Variants in MAGI3 observed in about 807,000 individuals in gnomAD.
MAGI3 encodes membrane associated guanylate kinase, WW and PDZ domain containing 3.
MAGI3 carries 43 observed loss-of-function variants against 121.8 expected under a neutral mutation model. That is an observed-to-expected ratio of 0.35 (90% CI 0.28 to 0.46). The LOEUF (loss-of-function observed/expected upper bound fraction) is 0.46, where lower values mean the gene tolerates loss of function less well. Among genes scored for constraint, MAGI3 ranks in the 20% least tolerant of loss-of-function variants. The pLI is 1.00. For synonymous variants in MAGI3, 553 were observed against 639.3 expected, an observed-to-expected ratio of 0.86 and a Z score of 2.04; for missense variants, 1,547 against 1,797.3, an observed-to-expected ratio of 0.86 and a Z score of 2.52.
intron 1 of MAGI3, among the ~76,000 whole-genome samples, chr1:113,393,897 TA>T (rs1299984485): frequency 6.6e-6 from 1 of 152,252 alleles, no homozygotes; most frequent in Non-Finnish European, 1.5e-5. Context: ...AGTTGCTTTT[TA>T]TTAAACCATA....
intron 1 of MAGI3, among the ~76,000 whole-genome samples, chr1:113,442,290 T>C: frequency 6.6e-6 from 1 of 152,180 alleles, no homozygotes; most frequent in East Asian, 1.9e-4. Flanking sequence ...ATGACGGAAG[T>C]ACCCAGCTGT....
At chr1:113,643,975 A>T (rs995626200) in intron 11 of MAGI3, among the ~76,000 whole-genome samples, 1 of 152,210 alleles carries the variant, frequency 6.6e-6, no homozygotes, top group Non-Finnish European at 1.5e-5. Context: ...CCACTGGTTA[A>T]GTATTGCAAC....
intron 1 of MAGI3, 44 bp from the exon 2 acceptor site, chr1:113,549,471 A>C: frequency 9.1e-7 from 1 of 1,102,692 alleles, no homozygotes; most frequent in Non-Finnish European, 1.3e-6. Flanking sequence ...ACGTCTAAAA[A>C]TTATGCATTT....
chr1:113,638,825 C>T (rs376114340), intron 9 of MAGI3, among the ~76,000 whole-genome samples: 38 of 152,268 alleles, frequency 2.5e-4, no homozygotes, highest in African/African-American at 8.2e-4. Flanking sequence ...GTCTGTGCCC[C>T]GCCCCCAGAG....
intron 1 of MAGI3, among the ~76,000 whole-genome samples, chr1:113,433,902 G>T (rs1653428940): frequency 6.6e-6 from 1 of 152,090 alleles, no homozygotes; most frequent in African/African-American, 2.4e-5. Context: ...GTCACAATTT[G>T]TGATTTAATT....
intron 16 of MAGI3, among the ~76,000 whole-genome samples, chr1:113,667,158 G>A (rs1057149011): frequency 1.3e-5 from 2 of 152,198 alleles, no homozygotes; most frequent in Non-Finnish European, 2.9e-5. Context: ...TTAGCCCCTA[G>A]CAAGAGAGTC....
intron 1 of MAGI3, chr1:113,449,926 A>G (rs1654393676): frequency 2.6e-6 from 4 of 1,523,830 alleles, no homozygotes; most frequent in Non-Finnish European, 3.6e-6. Flanking sequence ...GCTTGACCAC[A>G]CAAGGTTGAT....
chr1:113,429,571 G>A (rs1056303420), intron 1 of MAGI3, among the ~76,000 whole-genome samples: 7 of 152,140 alleles, frequency 4.6e-5, no homozygotes, highest in African/African-American at 1.4e-4. Context: ...CCAATCAGAG[G>A]CTGAAGTGAA....
chr1:113,536,422 T>G (rs1273028632), intron 1 of MAGI3, among the ~76,000 whole-genome samples: 2 of 152,156 alleles, frequency 1.3e-5, no homozygotes, highest in Non-Finnish European at 2.9e-5. Context: ...TAATGCTGTC[T>G]CAGTTCCAAG....
At chr1:113,547,081 T>TA (rs75603474) in intron 1 of MAGI3, among the ~76,000 whole-genome samples, 28,644 of 120,058 alleles carry the variant, frequency 0.24, 3,934 homozygotes, top group East Asian at 0.65. Flanking sequence ...AGACTCCATC[T>TA]AAAAAAAAAA....
intron 16 of MAGI3, among the ~76,000 whole-genome samples, chr1:113,666,845 G>T (rs193256733): frequency 1.3e-5 from 2 of 152,318 alleles, no homozygotes; most frequent in Admixed American, 6.5e-5. Context: ...ATGGGCTACA[G>T]AATGGATGTT....
chr1:113,674,429 T>TAA (rs765228366), intron 19 of MAGI3, among the ~76,000 whole-genome samples: 5 of 142,194 alleles, frequency 3.5e-5, no homozygotes, highest in African/African-American at 7.7e-5. Context: ...GTCTTCAATT[T>TAA]AAAAAAAAAA....
chr1:113,491,000 A>C (rs549985483), intron 1 of MAGI3, among the ~76,000 whole-genome samples: 7 of 152,300 alleles, frequency 4.6e-5, no homozygotes, highest in Admixed American at 2.6e-4. Context: ...GATATTCAGG[A>C]CCTGAACTCA....
chr1:113,535,239 TA>T (rs1658914338), intron 1 of MAGI3, among the ~76,000 whole-genome samples: 1 of 151,890 alleles, frequency 6.6e-6, no homozygotes, highest in Non-Finnish European at 1.5e-5. Context: ...CTTAAAAGAA[TA>T]GGGGAAAAAA....
chr1:113,393,183 T>G (rs1650919835), intron 1 of MAGI3, among the ~76,000 whole-genome samples: 1 of 152,174 alleles, frequency 6.6e-6, no homozygotes, highest in Non-Finnish European at 1.5e-5. Flanking sequence ...TTTAGAGCAT[T>G]AGTAATATTA....
intron 1 of MAGI3, among the ~76,000 whole-genome samples, chr1:113,485,080 C>T (rs116072590): frequency 6.6e-6 from 1 of 152,010 alleles, no homozygotes; most frequent in African/African-American, 2.4e-5. Context: ...GGCATTTGGG[C>T]TGGTTCCATA....
chr1:113,607,436 C>T (rs1003575459), intron 6 of MAGI3, among the ~76,000 whole-genome samples: 34 of 152,078 alleles, frequency 2.2e-4, no homozygotes, highest in Admixed American at 2.2e-3. Flanking sequence ...ACTAACCTCA[C>T]ATAAAATGGA....
At chr1:113,659,772 T>A (rs1422867705) in intron 16 of MAGI3, among the ~76,000 whole-genome samples, 1 of 152,218 alleles carries the variant, frequency 6.6e-6, no homozygotes, top group African/African-American at 2.4e-5. Flanking sequence ...AAACACATAC[T>A]GGCAGCCGTG....
At chr1:113,491,698 C>G (rs1656675171) in intron 1 of MAGI3, among the ~76,000 whole-genome samples, 1 of 151,886 alleles carries the variant, frequency 6.6e-6, no homozygotes, top group Non-Finnish European at 1.5e-5. Context: ...TACCAGTGAC[C>G]CCATGAAAAT....
Sources: allele counts gnomAD v4.1 joint callset (sites outside exome capture counted in the v4.1 genomes callset), GRCh38; gene constraint gnomAD v4.1.1; transcripts MANE v1.5; gene names NCBI Gene and HGNC (gene_info 2026-07-23, HGNC 2026-07-21).